APMAP: variants seen among roughly 807,000 people sequenced by gnomAD.
APMAP encodes the protein adipocyte plasma membrane associated protein, also known as adipocyte plasma membrane-associated protein.
APMAP carries 33 observed loss-of-function variants against 43.6 expected under a neutral mutation model. The ratio of observed to expected loss-of-function variants is 0.76; its 90% CI spans 0.57 to 1.01. The LOEUF (loss-of-function observed/expected upper bound fraction) is 1.01. Among genes scored for constraint, APMAP ranks in the 50% least tolerant of loss-of-function variants. The probability of loss-of-function intolerance (pLI) is 0.00; values close to 1 mark genes in which losing one functional copy is unlikely to be tolerated. For missense variants in APMAP, 498 were observed against 540.7 expected, an observed-to-expected ratio of 0.92 and a Z score of 0.78; for synonymous variants, 224 against 216.7, an observed-to-expected ratio of 1.03 and a Z score of -0.30.
At chr20:24,964,319 T>C in intron 8 of APMAP, 2 of 580,204 alleles carry the variant, frequency 3.4e-6, no homozygotes, top group Non-Finnish European at 6.7e-6. Context: ...GAGAGACATA[T>C]CACATCCGAC....
chr20:24,978,746 C>G (rs11087491), intron 3 of APMAP, 21 bp downstream of exon 3: 653,159 of 1,253,220 alleles, frequency 0.52, 178,091 homozygotes, highest in East Asian at 0.91. Flanking sequence ...AGGCTCCCCC[C>G]CCACCCAAGC....
At chr20:24,966,409 C>T (rs1399896164) in intron 8 of APMAP, among the ~76,000 whole-genome samples, 4 of 152,244 alleles carry the variant, frequency 2.6e-5, no homozygotes, top group East Asian at 1.9e-4. Flanking sequence ...GAAAGAACCA[C>T]GTCCAGGTGG....
intron 1 of APMAP, 125 bp downstream of exon 1, chr20:24,992,469 G>A (rs946562376): frequency 1.1e-5 from 8 of 720,676 alleles, no homozygotes; most frequent in East Asian, 3.4e-5. Context: ...GAAACGAGAG[G>A]ACTCTGACAA....
chr20:24,992,498 C>T (rs2088202756), intron 1 of APMAP, 96 bp downstream of exon 1: 2 of 1,010,736 alleles, frequency 2.0e-6, no homozygotes, highest in Non-Finnish European at 1.3e-6. Context: ...GCACCGCATC[C>T]CCAGGTTACT....
intron 8 of APMAP, among the ~76,000 whole-genome samples, chr20:24,966,953 T>C (rs1385969452): frequency 6.6e-6 from 1 of 152,150 alleles, no homozygotes; most frequent in African/African-American, 2.4e-5. Flanking sequence ...AAATCCCTTG[T>C]ACCCTCCCTC....
intron 1 of APMAP, among the ~76,000 whole-genome samples, chr20:24,986,999 C>T (rs1238135262): frequency 6.6e-6 from 1 of 152,228 alleles, no homozygotes; most frequent in Non-Finnish European, 1.5e-5. Context: ...CCTTTCATGA[C>T]TAGCTTCTTT....
At position 24,992,745 on chromosome 20, in the gene APMAP, A is replaced by AGACTCCAGGCCCGCCCTCCCC; in HGVS notation, c.-58_-57insGGGGAGGGCGGGCCTGGAGTC. Reference sequence around the variant, plus strand: ...ACCTCACACTGAGCGGCGCCGGCTCAGACTCCAGGCCCGCCCTCCCCCGTA... The same window carrying AGACTCCAGGCCCGCCCTCCCC: ...ACCTCACACTGAGCGGCGCCGGCTCAGACTCCAGGCCCGCCCTCCCCGACTCCAGGCCCGCCCTCCCCCGTA... On this transcript the variant is annotated 5_prime_UTR_variant, in exon 1 of 9. Transcript: ENST00000217456. 1 of 1,342,056 alleles carries AGACTCCAGGCCCGCCCTCCCC rather than the reference A, an allele frequency of 7.5e-7. No individual in the cohort carries two copies. Among genetic ancestry groups the AGACTCCAGGCCCGCCCTCCCC allele is most frequent in the South Asian group, 1.5e-5 (1 of 68,546 alleles). The allele number at this position is 1,342,056 out of a possible 1,614,324, so 83.1% of individuals were successfully genotyped here.
intron 5 of APMAP, 97 bp downstream of exon 5, chr20:24,971,363 T>TAA: frequency 9.2e-7 from 1 of 1,083,774 alleles, no homozygotes; most frequent in Non-Finnish European, 1.3e-6. Context: ...GAGTCTTTAG[T>TAA]AGACTGTTGC....
In APMAP at chr20:24,970,274, A is replaced by T. The variant is rs776905777; in HGVS notation, c.636T>A (p.Ile212=). Residue 212 remains isoleucine (I), a synonymous_variant, in exon 6 of 9, where the codon ATT becomes ATA. Transcript: ENST00000217456. ...ATTTGCTGCTAGAATCGGTGAAATA[A>T]ATCTTCCTCCCATCCTGAGTGACTG... ...DLTVTQDGRK[I]YFTDSSSKWQ... The T allele has an allele frequency of 5.0e-6, 8 of 1,613,566 alleles. No homozygotes were observed. In the African/African-American group the frequency reaches 5.4e-5, roughly 11 times the overall value.
At chr20:24,979,694 G>A (rs1002635949) in intron 2 of APMAP, among the ~76,000 whole-genome samples, 4 of 152,000 alleles carry the variant, frequency 2.6e-5, no homozygotes, top group African/African-American at 7.3e-5. Flanking sequence ...CAGCCATGCC[G>A]GATCATGACC....
chr20:24,987,819 C>T (rs899221107), intron 1 of APMAP, among the ~76,000 whole-genome samples: 16 of 152,276 alleles, frequency 1.1e-4, no homozygotes, highest in African/African-American at 3.9e-4. Flanking sequence ...AAGTCAGTGA[C>T]TCCACCATGC....
chr20:24,987,556 C>T (rs761230389), intron 1 of APMAP, among the ~76,000 whole-genome samples: 10 of 151,920 alleles, frequency 6.6e-5, no homozygotes, highest in Non-Finnish European at 1.2e-4. Context: ...TGGTGGTTGC[C>T]CAACATTGTG....
intron 4 of APMAP, among the ~76,000 whole-genome samples, chr20:24,971,864 T>G (rs1048552428): frequency 3.8e-4 from 47 of 123,784 alleles, no homozygotes; most frequent in African/African-American, 1.4e-3. Context: ...CTCACTACAG[T>G]TGCTTATTGC....
chr20:24,992,626 A>G lies in APMAP; in HGVS notation c.63T>C (p.Asp21=). 6.4e-7 allele frequency: 1 copy of G among 1,571,348 alleles called. No individual in the cohort carries two copies. Among genetic ancestry groups the G allele is most frequent in the South Asian group, 1.2e-5 (1 of 85,732 alleles). ...RPLRPQVVTD[D]DGQAPEAKDG... is the part of the protein sequence containing the mutation. ...CCTTAGCCTCCGGGGCCTGGCCATC[A>G]TCGTCTGTGACGACCTGCGGCCGCA... The change falls in exon 1 of 9, where the codon GAT becomes GAC. Residue 21 remains aspartate, a synonymous_variant. Transcript: ENST00000217456.
intron 2 of APMAP, among the ~76,000 whole-genome samples, chr20:24,980,134 TCTA>T (rs1206514804): frequency 6.6e-6 from 1 of 152,190 alleles, no homozygotes; most frequent in East Asian, 1.9e-4. Context: ...TGTGTTTTTC[TCTA>T]CTGTATTCCC....
chr20:24,964,627 CTG>C (rs1295925281), intron 8 of APMAP, among the ~76,000 whole-genome samples: 1 of 152,126 alleles, frequency 6.6e-6, no homozygotes, highest in Non-Finnish European at 1.5e-5. Flanking sequence ...GACCTGGACT[CTG>C]TGGTCACACG....
Position 24,978,898 on chromosome 20 carries a change from A to G in APMAP, c.213-16T>C, listed in dbSNP as rs778287087. ...TTCTTTGAAGCTGCAAAATAATGCA[A>G]TTCCAGAGATCTGTCTATAAATACA... On this transcript the variant is annotated splice_polypyrimidine_tract_variant and intron_variant, in intron 2 of 8. Transcript: ENST00000217456. 3 of 1,578,000 alleles carry G rather than the reference A, an allele frequency of 1.9e-6. No individual in the cohort carries two copies. Among genetic ancestry groups the G allele is most frequent in the African/African-American group, 2.7e-5 (2 of 74,140 alleles).
At chr20:24,973,573 A>G (rs1365109045) in intron 4 of APMAP, 72 bp downstream of exon 4, 13 of 1,424,270 alleles carry the variant, frequency 9.1e-6, no homozygotes, top group Non-Finnish European at 1.2e-5. Context: ...AGGGAAAAGC[A>G]GTTCCACACA....
At position 24,984,008 on chromosome 20, in the gene APMAP, C is replaced by T; in HGVS notation, c.107G>A (p.Gly36Asp). ...CAAGAAGGTCACTCGGAAAACTCTGCCGCTAAAGGAGCTGCCAGAAATAAA... is the reference window on the plus strand; with the variant it reads ...CAAGAAGGTCACTCGGAAAACTCTGTCGCTAAAGGAGCTGCCAGAAATAAA... ...PEAKDGSSFS[G>D]RVFRVTFLML... Residue 36 changes from glycine to aspartate, a missense_variant, in exon 2 of 9, where the codon GGC (glycine) becomes GAC (aspartate). Gly to Asp is a moderately conservative substitution (Grantham distance 94, BLOSUM62 -1). Transcript: ENST00000217456. 6.2e-7 allele frequency: 1 copy of T among 1,612,266 alleles called. No homozygotes were observed.
Sources: gnomAD v4.1 joint callset for allele counts (sites outside exome capture counted in the v4.1 genomes callset) on GRCh38, gnomAD v4.1.1 for gene constraint, MANE v1.5 for transcripts, NCBI Gene and HGNC (gene_info 2026-07-23, HGNC 2026-07-21) for gene names.